Variants in KSR2 observed in about 807,000 individuals in gnomAD.
The protein encoded by KSR2 is kinase suppressor of ras 2.
Under a neutral mutation model 107.8 loss-of-function variants are expected in KSR2, and 25 were observed. The observed-to-expected ratio is 0.23, with a 90% CI of 0.17 to 0.32. KSR2 has a LOEUF of 0.32. KSR2 is among the 10% of genes least tolerant of loss of function. KSR2 has a pLI of 1.00. For missense variants in KSR2, 887 were observed against 1,268.9 expected (o/e 0.70, Z 4.57); for synonymous variants, 480 against 507.0 (o/e 0.95, Z 0.71).
At chr12:117,717,210 T>C (rs926209606) in intron 4 of KSR2, among the ~76,000 whole-genome samples, 2 of 152,204 alleles carry the variant, frequency 1.3e-5, no homozygotes, top group Non-Finnish European at 2.9e-5. Flanking sequence ...TAATTGCACA[T>C]TGCCAGCTGC....
intron 7 of KSR2, among the ~76,000 whole-genome samples, chr12:117,575,402 T>C (rs181808455): frequency 1.3e-5 from 2 of 152,372 alleles, no homozygotes; most frequent in African/African-American, 2.4e-5. Flanking sequence ...TTTATTGACA[T>C]TCAGTTTCCA....
intron 14 of KSR2, among the ~76,000 whole-genome samples, chr12:117,487,436 G>T (rs918162092): frequency 5.3e-5 from 8 of 152,224 alleles, no homozygotes; most frequent in Admixed American, 2.0e-4. Context: ...GCAGGAGGCA[G>T]CCCAGAATGA....
intron 7 of KSR2, among the ~76,000 whole-genome samples, chr12:117,565,353 G>A (rs1592998671): frequency 6.6e-6 from 1 of 152,140 alleles, no homozygotes; most frequent in Admixed American, 6.6e-5. Context: ...TCCTTCCAGA[G>A]TGCACATGGA....
chr12:117,908,619 C>G (rs1181273428), intron 1 of KSR2, among the ~76,000 whole-genome samples: 1 of 152,156 alleles, frequency 6.6e-6, no homozygotes, highest in African/African-American at 2.4e-5. Context: ...GTCACTCTTA[C>G]AAGAATGAGA....
chr12:117,485,392 A>C (rs894544223), intron 15 of KSR2, among the ~76,000 whole-genome samples: 20 of 152,188 alleles, frequency 1.3e-4, no homozygotes, highest in African/African-American at 4.6e-4. Context: ...ACATTGGTGG[A>C]TAGTTCCTAA....
chr12:117,630,575 T>A (rs545377861), intron 5 of KSR2, among the ~76,000 whole-genome samples: 63 of 151,984 alleles, frequency 4.1e-4, no homozygotes, highest in Non-Finnish European at 8.1e-4. Context: ...TTTTCAAAGA[T>A]CTCGTTGTCT....
At chr12:117,794,191 CACACCATGCACACAT>C (rs1566018764) in intron 3 of KSR2, among the ~76,000 whole-genome samples, 2 of 126,092 alleles carry the variant, frequency 1.6e-5, no homozygotes, top group African/African-American at 6.3e-5. Flanking sequence ...AACATGCACA[CACACCATGCACACAT>C]ACACCAACAT....
chr12:117,843,652 C>T (rs1892585165), intron 3 of KSR2, among the ~76,000 whole-genome samples: 1 of 152,178 alleles, frequency 6.6e-6, no homozygotes, highest in South Asian at 2.1e-4. Flanking sequence ...TCCTGTTTAT[C>T]CTCCATCTTC....
chr12:117,470,377 A>G (rs537163107), intron 18 of KSR2, among the ~76,000 whole-genome samples: 3 of 150,078 alleles, frequency 2.0e-5, no homozygotes. Flanking sequence ...TTAATTCTTC[A>G]TCCTTCATTA....
chr12:117,468,819 G>A (rs144966930), intron 19 of KSR2, among the ~76,000 whole-genome samples: 1,906 of 152,314 alleles, frequency 0.013, 13 homozygotes, highest in Non-Finnish European at 0.02. Context: ...GAATGTTTTT[G>A]TATATGGATG....
intron 5 of KSR2, among the ~76,000 whole-genome samples, chr12:117,630,565 T>C (rs1211556364): frequency 6.6e-6 from 1 of 152,000 alleles, no homozygotes; most frequent in Non-Finnish European, 1.5e-5. Context: ...CGGATTTGCC[T>C]TTTCAAAGAT....
At position 117,948,097 on chromosome 12, in the gene KSR2, G is replaced by A. The variant is rs574212567; in HGVS notation, c.180+19979C>T. On this transcript the variant is annotated intron_variant, in intron 1 of 19. Transcript: ENST00000339824. ...ATTTTTGAAAAAGAATAATAAAGGT[G>A]GAACTCACACTATTCAGTTTTTTTC... 2.0e-5 allele frequency among the ~76,000 whole-genome samples: 3 copies of A among 152,202 alleles called. No individual in the cohort carries two copies. In the South Asian group the frequency reaches 6.2e-4, roughly 32 times the overall value.
At chr12:117,816,728 C>T (rs948747724) in intron 3 of KSR2, among the ~76,000 whole-genome samples, 3 of 152,174 alleles carry the variant, frequency 2.0e-5, no homozygotes, top group African/African-American at 7.2e-5. Context: ...AGGCTAACAG[C>T]TGCGTCCACT....
chr12:117,501,678 T>C (rs1873384259), intron 14 of KSR2, among the ~76,000 whole-genome samples: 1 of 152,214 alleles, frequency 6.6e-6, no homozygotes, highest in South Asian at 2.1e-4. Flanking sequence ...AGAAGGAACT[T>C]GAACTCGGGC....
intron 14 of KSR2, among the ~76,000 whole-genome samples, chr12:117,501,037 C>T (rs1217124698): frequency 2.0e-5 from 3 of 152,218 alleles, no homozygotes; most frequent in Non-Finnish European, 2.9e-5. Context: ...CTATGGCCCG[C>T]GGGCCAAAAG....
chr12:117,706,309 G>T (rs1886530572), intron 4 of KSR2, among the ~76,000 whole-genome samples: 1 of 152,120 alleles, frequency 6.6e-6, no homozygotes, highest in African/African-American at 2.4e-5. Context: ...CTCCCAAAGT[G>T]TTAGGCTGAG....
At chr12:117,822,304 G>A (rs777314266) in intron 3 of KSR2, among the ~76,000 whole-genome samples, 2 of 151,776 alleles carry the variant, frequency 1.3e-5, no homozygotes, top group African/African-American at 2.4e-5. Context: ...TTTACTCTAC[G>A]GACTCGCCCT....
chr12:117,686,215 ATTTTT>A lies in KSR2; in HGVS notation c.987-18562_987-18558del, dbSNP rs55772468. 2.9e-3 allele frequency among the ~76,000 whole-genome samples: 225 copies of A among 78,028 alleles called. 3 individuals carry two copies. Among genetic ancestry groups the A allele is most frequent in the Middle Eastern group, 0.015 (2 of 136 alleles). The allele number at this position is 78,028 out of a possible 152,430, so 51.2% of individuals were successfully genotyped here. ...AGGCACACACCACCACACCCAGCTAATTTTTTTTTTTTTTTTTTTTTTTTTTTTTT... is the reference window on the plus strand; with the variant it reads ...AGGCACACACCACCACACCCAGCTAATTTTTTTTTTTTTTTTTTTTTTTTT... On this transcript the variant is annotated intron_variant, in intron 4 of 19. Coordinates refer to ENST00000339824, the MANE Select transcript of KSR2 (RefSeq NM_173598.6).
chr12:117,601,355 C>T (rs1327480988), intron 5 of KSR2, among the ~76,000 whole-genome samples: 3 of 151,628 alleles, frequency 2.0e-5, no homozygotes, highest in Admixed American at 1.3e-4. Flanking sequence ...TTTACATTCA[C>T]CTGGAACCTC....
Sources: allele counts gnomAD v4.1 joint callset (sites outside exome capture counted in the v4.1 genomes callset), GRCh38; gene constraint gnomAD v4.1.1; transcripts MANE v1.5; gene names NCBI Gene and HGNC (gene_info 2026-07-23, HGNC 2026-07-21).